The following CD2AP variants were observed in gnomAD, a reference collection of about 807,000 sequenced individuals.
CD2AP encodes the protein CD2 associated protein, also known as CD2-associated protein.
CD2AP carries 46 observed loss-of-function variants against 85.1 expected under a neutral mutation model. The ratio of observed to expected loss-of-function variants is 0.54; its 90% CI spans 0.43 to 0.69. The LOEUF (loss-of-function observed/expected upper bound fraction) is 0.69. CD2AP is among the 30% of genes least tolerant of loss of function. The pLI is 0.00. For missense variants in CD2AP, 769 were observed against 729.5 expected (o/e 1.05, Z -0.62); for synonymous variants, 255 against 252.9 (o/e 1.01, Z -0.08).
At chr6:47,499,496 T>C (rs1204265685) in intron 1 of CD2AP, among the ~76,000 whole-genome samples, 2 of 152,192 alleles carry the variant, frequency 1.3e-5, no homozygotes, top group African/African-American at 4.8e-5. Context: ...TTCTCTGACA[T>C]GGAGAAACTT....
Position 47,609,239 on chromosome 6 carries a change from G to A in CD2AP, c.1749G>A (p.Leu583=). 6.2e-7 allele frequency: 1 copy of A among 1,613,552 alleles called. No individual in the cohort carries two copies. Among genetic ancestry groups the A allele is most frequent in the Non-Finnish European group, 8.5e-7 (1 of 1,179,724 alleles). Residue 583 remains leucine (L), a synonymous_variant, in exon 16 of 18, where the codon CTG becomes CTA. Transcript: ENST00000359314. ...CAGATGATGTGAAAAAAAATTCCCT[G>A]GATGAACTTAGAGCCCAGATTATTG... is the stretch of plus-strand genomic sequence containing the variant. ...VETDDVKKNS[L]DELRAQIIEL... is the part of the protein sequence containing the mutation.
At chr6:47,519,653 T>C (rs1049794270) in intron 2 of CD2AP, among the ~76,000 whole-genome samples, 1 of 152,214 alleles carries the variant, frequency 6.6e-6, no homozygotes, top group Non-Finnish European at 1.5e-5. Context: ...TGTAGATATA[T>C]AGTGGAATTT....
intron 13 of CD2AP, among the ~76,000 whole-genome samples, chr6:47,601,818 G>A (rs1213844442): frequency 1.3e-5 from 2 of 151,872 alleles, no homozygotes; most frequent in Non-Finnish European, 2.9e-5. Flanking sequence ...TCATTATTAG[G>A]CAACGTAATA....
chr6:47,611,379 GA>G (rs919466458), intron 16 of CD2AP, among the ~76,000 whole-genome samples: 5 of 92,080 alleles, frequency 5.4e-5, no homozygotes, highest in African/African-American at 1.4e-4. Context: ...TTCTATGGAA[GA>G]GGGGGGGAAT....
intron 7 of CD2AP, among the ~76,000 whole-genome samples, 154 bp from the exon 8 acceptor site, chr6:47,576,855 C>T (rs1768327501): frequency 6.6e-6 from 1 of 152,156 alleles, no homozygotes; most frequent in East Asian, 1.9e-4. Flanking sequence ...TGTTACTTAA[C>T]ATACGGTATT....
intron 3 of CD2AP, among the ~76,000 whole-genome samples, chr6:47,541,702 A>AGAAAACC (rs1767221038): frequency 6.6e-6 from 1 of 152,228 alleles, no homozygotes; most frequent in Non-Finnish European, 1.5e-5. Flanking sequence ...GAGCTGAGGT[A>AGAAAACC]ACTGTAGTGG....
chr6:47,613,761 G>A (rs1249450582), intron 17 of CD2AP, among the ~76,000 whole-genome samples: 3 of 152,136 alleles, frequency 2.0e-5, no homozygotes, highest in Non-Finnish European at 2.9e-5. Flanking sequence ...GCCAGGGATT[G>A]ACTTCTCTCT....
chr6:47,578,866 A>G (rs990947964), intron 8 of CD2AP, among the ~76,000 whole-genome samples: 3 of 152,192 alleles, frequency 2.0e-5, no homozygotes, highest in Non-Finnish European at 4.4e-5. Flanking sequence ...CTTGTTGGTC[A>G]GGCTGGTCTC....
At chr6:47,590,420 A>G (rs1466657724) in intron 11 of CD2AP, among the ~76,000 whole-genome samples, 1 of 152,150 alleles carries the variant, frequency 6.6e-6, no homozygotes, top group Non-Finnish European at 1.5e-5. Context: ...ATAAGGAGAC[A>G]AAAAAGATAG....
At chr6:47,564,962 C>T (rs1362190722) in intron 5 of CD2AP, among the ~76,000 whole-genome samples, 1 of 152,030 alleles carries the variant, frequency 6.6e-6, no homozygotes, top group African/African-American at 2.4e-5. Context: ...GTGTTCTCCT[C>T]CTCCTCCCTT....
At position 47,625,169 on chromosome 6, in the gene CD2AP, G is replaced by T. The variant is rs540202475; in HGVS notation, c.*942G>T. On this transcript the variant is annotated 3_prime_UTR_variant, in exon 18 of 18. Transcript: ENST00000359314. The stretch of plus-strand genomic sequence containing the variant: ...ATTATCTTGTCACTTAGTTCTTCAT[G>T]TTTCTCCTTCTGACTTTTAATAATG... 6.6e-6 allele frequency: 1 copy of T among 151,846 alleles called. No homozygotes were observed. Among genetic ancestry groups the T allele is most frequent in the South Asian group, 2.1e-4 (1 of 4,818 alleles). The allele number at this position is 151,846 out of a possible 1,614,324, so 9.4% of individuals were successfully genotyped here.
intron 1 of CD2AP, among the ~76,000 whole-genome samples, chr6:47,487,983 G>A (rs1765606861): frequency 6.8e-6 from 1 of 147,234 alleles, no homozygotes; most frequent in African/African-American, 2.5e-5. Context: ...CTAATAGGAT[G>A]TTGCCTAATG....
intron 1 of CD2AP, among the ~76,000 whole-genome samples, chr6:47,493,542 G>GT (rs985573138): frequency 4.0e-5 from 6 of 151,726 alleles, no homozygotes; most frequent in East Asian, 1.9e-4. Context: ...TCTAGGTGTA[G>GT]TTTTTTTTGT....
At chr6:47,547,924 T>A (rs1767409820) in intron 4 of CD2AP, among the ~76,000 whole-genome samples, 1 of 152,116 alleles carries the variant, frequency 6.6e-6, no homozygotes, top group Admixed American at 6.5e-5. Context: ...TCCTGAATGA[T>A]CATTGGGTCA....
chr6:47,505,881 G>A (rs1267513988), intron 2 of CD2AP, among the ~76,000 whole-genome samples: 1,546 of 118,598 alleles, frequency 0.013, 4 homozygotes, highest in East Asian at 0.058. Flanking sequence ...CGGATGGGGC[G>A]GCTGGCCGGG....
intron 11 of CD2AP, among the ~76,000 whole-genome samples, chr6:47,591,044 A>T (rs1190493186): frequency 1.3e-5 from 2 of 152,226 alleles, no homozygotes; most frequent in Non-Finnish European, 2.9e-5. Context: ...CAAAGTTGCC[A>T]TTGGAAACAG....
chr6:47,490,689 A>G (rs1765711248), intron 1 of CD2AP, among the ~76,000 whole-genome samples: 1 of 152,108 alleles, frequency 6.6e-6, no homozygotes, highest in African/African-American at 2.4e-5. Context: ...TTTTTGGTGG[A>G]TATCTGTCAC....
chr6:47,522,609 G>A (rs1264376767), intron 2 of CD2AP, among the ~76,000 whole-genome samples: 1 of 152,052 alleles, frequency 6.6e-6, no homozygotes, highest in Non-Finnish European at 1.5e-5. Context: ...ATATAGTCAG[G>A]AAGAAGAAAA....
At chr6:47,515,568 A>G (rs1034953170) in intron 2 of CD2AP, among the ~76,000 whole-genome samples, 3 of 152,208 alleles carry the variant, frequency 2.0e-5, no homozygotes, top group Non-Finnish European at 2.9e-5. Flanking sequence ...AGTTAACTCT[A>G]TGACAGGCCA....
Sources: allele counts gnomAD v4.1 joint callset (sites outside exome capture counted in the v4.1 genomes callset), GRCh38; gene constraint gnomAD v4.1.1; transcripts MANE v1.5; gene names NCBI Gene and HGNC (gene_info 2026-07-23, HGNC 2026-07-21).